Variants in VPS45 observed in about 807,000 individuals in gnomAD.
VPS45 encodes vacuolar protein sorting-associated protein 45.
In VPS45, 35 loss-of-function variants were observed where a neutral mutation model predicts 75.9. The ratio of observed to expected loss-of-function variants is 0.46; its 90% CI spans 0.35 to 0.61. The LOEUF is 0.61. Ranked by LOEUF, VPS45 falls within the 20% of genes least tolerant of loss-of-function variation. The pLI, the probability that VPS45 is intolerant of heterozygous loss-of-function variation, is 0.00. For missense variants in VPS45, 559 were observed against 685.9 expected (o/e 0.81, Z 2.07); for synonymous variants, 220 against 238.2 (o/e 0.92, Z 0.70).
chr1:150,129,877 G>C (rs1188358727), intron 14 of VPS45, among the ~76,000 whole-genome samples: 1 of 125,554 alleles, frequency 8.0e-6, no homozygotes, highest in Admixed American at 7.9e-5. Context: ...TTTAAGATGG[G>C]GTCTTGCTCT....
intron 13 of VPS45, among the ~76,000 whole-genome samples, chr1:150,097,722 A>C (rs12727144): frequency 6.6e-6 from 1 of 151,994 alleles, no homozygotes; most frequent in Non-Finnish European, 1.5e-5. Context: ...CCGTCTCAAA[A>C]CAAAACAAAA....
intron 14 of VPS45, among the ~76,000 whole-genome samples, chr1:150,118,434 C>G (rs1658058363): frequency 6.6e-6 from 1 of 151,726 alleles, no homozygotes; most frequent in Non-Finnish European, 1.5e-5. Flanking sequence ...GGGACGGAGT[C>G]TTGCTCTGTC....
intron 13 of VPS45, chr1:150,099,000 A>AT (rs1656818572): frequency 9.0e-7 from 1 of 1,109,296 alleles, no homozygotes; most frequent in Non-Finnish European, 1.1e-6. Flanking sequence ...GCTACAGCTT[A>AT]TTTTTTGTTT....
intron 3 of VPS45, among the ~76,000 whole-genome samples, chr1:150,073,545 TTGTTTGTTTTTGTC>T (rs1439199367): frequency 6.6e-6 from 1 of 152,180 alleles, no homozygotes; most frequent in Admixed American, 6.5e-5. Context: ...AACTTAATTT[TTGTTTGTTTTTGTC>T]TGTTTGTTTT....
At chr1:150,082,618 T>C in intron 9 of VPS45, 98 bp from the exon 10 acceptor site, 1 of 1,464,298 alleles carries the variant, frequency 6.8e-7, no homozygotes, top group Non-Finnish European at 9.2e-7. Flanking sequence ...TAATCTGGGC[T>C]GAAAAACAAC....
chr1:150,081,790 T>C, intron 8 of VPS45, 94 bp from the exon 9 acceptor site: 1 of 805,690 alleles, frequency 1.2e-6, no homozygotes, highest in Admixed American at 2.8e-5. Flanking sequence ...TCCCTGCCCT[T>C]CAATTCTGTG....
chr1:150,099,687 G>A (rs1656863586), intron 13 of VPS45, among the ~76,000 whole-genome samples: 2 of 151,902 alleles, frequency 1.3e-5, no homozygotes, highest in Admixed American at 6.6e-5. Flanking sequence ...CAAAAAATGA[G>A]CCAGGTGTGG....
rs782814568 is a variant in VPS45 at position 150,131,575 on chromosome 1, G to A, written c.1626-13134G>A. On this transcript the variant is annotated intron_variant, in intron 14 of 14. Coordinates refer to ENST00000644510, the MANE Select transcript of VPS45 (RefSeq NM_007259.5). ...ATCAGCTAGGCACAGTGGCACATGC[G>A]TATAATCCCGATGCTTTCAGAGGTC... Among the ~76,000 whole-genome samples the A allele has an allele frequency of 3.3e-5, 5 of 151,008 alleles. 1 individual carries two copies. Among genetic ancestry groups the A allele is most frequent in the South Asian group, 2.1e-4 (1 of 4,784 alleles).
rs184716247 is a variant in VPS45, at chr1:150,089,002, G to T, written c.1105-2935G>T. 7.2e-5 allele frequency among the ~76,000 whole-genome samples: 11 copies of T among 152,034 alleles called. No individual in the cohort carries two copies. The East Asian group carries it at 2.1e-3, about 29-fold the overall frequency. ...AATCTTCATACTATTTTCCATAATG[G>T]CTGTACTAATTTACATTCCCACCAG... is the stretch of plus-strand genomic sequence containing the variant. On this transcript the variant is annotated intron_variant, in intron 10 of 14. Coordinates refer to ENST00000644510, the MANE Select transcript of VPS45 (RefSeq NM_007259.5).
chr1:150,144,560 T>A, intron 14 of VPS45, 149 bp from the exon 15 acceptor site: 1 of 652,388 alleles, frequency 1.5e-6, no homozygotes, highest in East Asian at 2.8e-5. Context: ...GCTCAACTGA[T>A]GCTTCCATTC....
chr1:150,076,883 A>T (rs587633983), intron 4 of VPS45, 33 bp from the exon 5 acceptor site: 1 of 1,611,316 alleles, frequency 6.2e-7, no homozygotes, highest in Admixed American at 1.7e-5. Context: ...ATTGAAGTTT[A>T]TGGAATGACT....
intron 14 of VPS45, among the ~76,000 whole-genome samples, chr1:150,139,336 C>T (rs1306383625): frequency 6.6e-6 from 1 of 152,308 alleles, no homozygotes; most frequent in Non-Finnish European, 1.5e-5. Flanking sequence ...GCCACACTAA[C>T]CTTCTTTCTG....
chr1:150,079,060 G>A (rs1296914653), intron 7 of VPS45, among the ~76,000 whole-genome samples: 1 of 148,400 alleles, frequency 6.7e-6, no homozygotes, highest in Admixed American at 6.8e-5. Context: ...GCAGTGAACC[G>A]AGATCATGCC....
chr1:150,131,047 A>G lies in VPS45; in HGVS notation c.1626-13662A>G, dbSNP rs587631287. 2.1e-4 allele frequency among the ~76,000 whole-genome samples: 32 copies of G among 152,312 alleles called. 1 individual carries two copies. In the East Asian group the frequency reaches 6.0e-3, roughly 28 times the overall value. On this transcript the variant is annotated intron_variant, in intron 14 of 14. Coordinates refer to ENST00000644510, the MANE Select transcript of VPS45 (RefSeq NM_007259.5). Reference sequence around the variant, plus strand: ...ATGCTGGATTCCATGCACTGCTGGCAATGTTGGTTAGGCATCAGAGGGTGT... The same window carrying G: ...ATGCTGGATTCCATGCACTGCTGGCGATGTTGGTTAGGCATCAGAGGGTGT...
intron 13 of VPS45, chr1:150,098,928 G>T (rs1656813572): frequency 1.6e-6 from 2 of 1,222,432 alleles, no homozygotes; most frequent in Non-Finnish European, 1.0e-6. Context: ...ATGCATTCCA[G>T]AATCAGTCAA....
chr1:150,144,178 G>T (rs1459329327), intron 14 of VPS45, among the ~76,000 whole-genome samples: 1 of 151,748 alleles, frequency 6.6e-6, no homozygotes, highest in African/African-American at 2.4e-5. Context: ...CAAACTCCTG[G>T]GCTCGAGCAA....
rs189291378 is a variant in VPS45, at chr1:150,129,642, G to A, written c.1626-15067G>A. 8.8e-3 allele frequency among the ~76,000 whole-genome samples: 1,293 copies of A among 146,808 alleles called. 19 individuals are homozygous for A. The highest frequency in any genetic ancestry group is 0.031 in the African/African-American group (1,249 of 39,688). On this transcript the variant is annotated intron_variant, in intron 14 of 14. Transcript: ENST00000644510. Reference sequence around the variant, plus strand: ...TGACACCACCTCGGCTCACTGCAACGCCCGCCTCCCAGGTTCAAGCGATTC... The same window carrying A: ...TGACACCACCTCGGCTCACTGCAACACCCGCCTCCCAGGTTCAAGCGATTC...
chr1:150,143,798 A>G (rs2318763), intron 14 of VPS45, among the ~76,000 whole-genome samples: 22,794 of 152,106 alleles, frequency 0.15, 1,871 homozygotes, highest in African/African-American at 0.17. Context: ...TAGAGCCTGG[A>G]TCTGAATCCC....
intron 6 of VPS45, 95 bp from the exon 7 acceptor site, chr1:150,077,574 C>A: frequency 3.4e-6 from 3 of 891,520 alleles, no homozygotes; most frequent in Non-Finnish European, 5.4e-6. Context: ...GTGCAAAGAA[C>A]TATTGTTAAA....
Sources: gnomAD v4.1 joint callset for allele counts (sites outside exome capture counted in the v4.1 genomes callset) on GRCh38, gnomAD v4.1.1 for gene constraint, MANE v1.5 for transcripts, NCBI Gene and HGNC (gene_info 2026-07-23, HGNC 2026-07-21) for gene names.